LIPC: variants seen among roughly 807,000 people sequenced by gnomAD.
The protein encoded by LIPC is hepatic triacylglycerol lipase.
Under a neutral mutation model 50.7 loss-of-function variants are expected in LIPC, and 44 were observed. The observed-to-expected ratio is 0.87, with a 90% confidence interval of 0.68 to 1.11. The LOEUF (loss-of-function observed/expected upper bound fraction) is 1.11. Ranked by LOEUF, LIPC falls within the 50% of genes most tolerant of loss-of-function variation. The probability of loss-of-function intolerance (pLI) is 0.00; values close to 1 mark genes in which losing one functional copy is unlikely to be tolerated. For synonymous variants in LIPC, 271 were observed against 256.4 expected (o/e 1.06, Z -0.54); for missense variants, 697 against 648.2 (o/e 1.08, Z -0.82).
chr15:58,469,910 A>G (rs1246958741), intron 1 of LIPC, among the ~76,000 whole-genome samples: 4 of 150,222 alleles, frequency 2.7e-5, no homozygotes, highest in Non-Finnish European at 4.4e-5. Context: ...ATGACATTCC[A>G]TCACCTTCCT....
intron 1 of LIPC, among the ~76,000 whole-genome samples, chr15:58,516,510 A>C (rs1162065881): frequency 1.3e-5 from 2 of 151,884 alleles, no homozygotes; most frequent in Non-Finnish European, 1.5e-5. Flanking sequence ...ATGTTCTGTT[A>C]ATTTATTTTC....
At chr15:58,465,265 C>G (rs1425902089) in intron 1 of LIPC, among the ~76,000 whole-genome samples, 1 of 152,098 alleles carries the variant, frequency 6.6e-6, no homozygotes, top group African/African-American at 2.4e-5. Context: ...ATCTTTGCAC[C>G]TTGGAGCAGG....
intron 1 of LIPC, among the ~76,000 whole-genome samples, chr15:58,529,794 T>A (rs1170951990): frequency 6.6e-6 from 1 of 152,174 alleles, no homozygotes; most frequent in African/African-American, 2.4e-5. Flanking sequence ...TTGGGGCATG[T>A]CAGGTGGCCT....
intron 6 of LIPC, among the ~76,000 whole-genome samples, chr15:58,556,392 TC>T (rs1353216757): frequency 6.6e-6 from 1 of 152,212 alleles, no homozygotes; most frequent in Non-Finnish European, 1.5e-5. Context: ...AACTTCTAGT[TC>T]TCTTTTTTTT....
chr15:58,560,520 G>T (rs1036129151), intron 6 of LIPC, among the ~76,000 whole-genome samples: 16 of 152,152 alleles, frequency 1.1e-4, no homozygotes, highest in African/African-American at 3.9e-4. Flanking sequence ...TTTACGAAAG[G>T]AGACCCTCAC....
intron 1 of LIPC, among the ~76,000 whole-genome samples, chr15:58,473,181 C>A (rs1890871137): frequency 6.6e-6 from 1 of 152,030 alleles, no homozygotes; most frequent in Non-Finnish European, 1.5e-5. Flanking sequence ...GCCTGTGTTT[C>A]CTGCATTTCC....
chr15:58,498,812 C>G (rs1479604319), intron 1 of LIPC: 3 of 152,228 alleles, frequency 2.0e-5, no homozygotes, highest in African/African-American at 4.8e-5. Flanking sequence ...CCCAGCCACA[C>G]CCACTTCAGC....
intron 1 of LIPC, among the ~76,000 whole-genome samples, chr15:58,529,465 C>G (rs1892894950): frequency 6.6e-6 from 1 of 152,246 alleles, no homozygotes; most frequent in Admixed American, 6.5e-5. Context: ...TCTGTTTTTA[C>G]TACCCTGGTC....
At chr15:58,465,442 A>G (rs1292762966) in intron 1 of LIPC, among the ~76,000 whole-genome samples, 7 of 152,232 alleles carry the variant, frequency 4.6e-5, no homozygotes, top group Admixed American at 6.5e-5. Context: ...TAAATTCCAC[A>G]TGAACAACAG....
chr15:58,482,317 A>G (rs2140777532), intron 1 of LIPC, among the ~76,000 whole-genome samples: 1 of 152,292 alleles, frequency 6.6e-6, no homozygotes, highest in East Asian at 1.9e-4. Flanking sequence ...AATGAAGTGA[A>G]CTGGGAGAAA....
chr15:58,567,489 A>G (rs940797903), intron 8 of LIPC, among the ~76,000 whole-genome samples: 4 of 151,208 alleles, frequency 2.6e-5, no homozygotes, highest in Non-Finnish European at 5.9e-5. Context: ...ATCTTTCTGG[A>G]GTATCTGTGC....
At chr15:58,513,227 T>C (rs983332735) in intron 1 of LIPC, among the ~76,000 whole-genome samples, 2 of 152,156 alleles carry the variant, frequency 1.3e-5, no homozygotes, top group African/African-American at 4.8e-5. Flanking sequence ...AGAAGCTGCT[T>C]TGAAAGATGA....
At chr15:58,546,071 A>T in intron 5 of LIPC, 96 bp downstream of exon 5, 1 of 1,079,480 alleles carries the variant, frequency 9.3e-7, no homozygotes, top group Non-Finnish European at 1.4e-6. Flanking sequence ...CTCAGGGAAG[A>T]GTTCAGCAAG....
intron 1 of LIPC, among the ~76,000 whole-genome samples, chr15:58,465,603 A>G (rs189527291): frequency 6.6e-6 from 1 of 151,932 alleles, no homozygotes; most frequent in Admixed American, 6.6e-5. Flanking sequence ...CCGTAACATA[A>G]CGGATGGAGT....
At chr15:58,563,783 C>G (rs1469450713) in intron 8 of LIPC, 60 bp downstream of exon 8, 1 of 1,369,162 alleles carries the variant, frequency 7.3e-7, no homozygotes, top group Non-Finnish European at 1.0e-6. Flanking sequence ...GCCAGGCAGT[C>G]TCACAATTTA....
intron 1 of LIPC, among the ~76,000 whole-genome samples, chr15:58,506,950 C>G (rs375524778): frequency 6.6e-6 from 1 of 152,302 alleles, no homozygotes; most frequent in African/African-American, 2.4e-5. Flanking sequence ...CACATCCTTC[C>G]GCAAATGGTG....
At chr15:58,554,096 A>G (rs1893853361) in intron 6 of LIPC, among the ~76,000 whole-genome samples, 1 of 152,216 alleles carries the variant, frequency 6.6e-6, no homozygotes, top group African/African-American at 2.4e-5. Context: ...GGGAGGCAAA[A>G]AATAGAAAGA....
chr15:58,509,420 A>G (rs1205001413), intron 1 of LIPC, among the ~76,000 whole-genome samples: 2 of 152,222 alleles, frequency 1.3e-5, no homozygotes, highest in African/African-American at 4.8e-5. Context: ...ACTACCTACT[A>G]GCCACAGGCA....
At chr15:58,507,844 G>A (rs1255286231) in intron 1 of LIPC, among the ~76,000 whole-genome samples, 2 of 152,196 alleles carry the variant, frequency 1.3e-5, no homozygotes, top group South Asian at 2.1e-4. Context: ...CTTCTTCATA[G>A]GGGAAGGGGA....
Sources: allele counts gnomAD v4.1 joint callset (sites outside exome capture counted in the v4.1 genomes callset), GRCh38; gene constraint gnomAD v4.1.1; transcripts MANE v1.5; gene names NCBI Gene and HGNC (gene_info 2026-07-23, HGNC 2026-07-21).